The following EXOC6 variants were observed in gnomAD, a reference collection of about 807,000 sequenced individuals.
EXOC6 encodes exocyst complex component 6, also known as SEC15-like 1.
A neutral mutation model predicts 112.5 loss-of-function variants in EXOC6; 60 were observed. The ratio of observed to expected loss-of-function variants is 0.53; its 90% CI spans 0.43 to 0.66. The LOEUF is 0.66. EXOC6 is among the 30% of genes least tolerant of loss of function. The pLI, the probability that EXOC6 is intolerant of heterozygous loss-of-function variation, is 0.00. For missense variants in EXOC6, 855 were observed against 957.1 expected (o/e 0.89, Z 1.41); for synonymous variants, 295 against 308.0 (o/e 0.96, Z 0.44).
chr10:92,830,196 C>T (rs1846450694), upstream of EXOC6, among the ~76,000 whole-genome samples: 1 of 152,132 alleles, frequency 6.6e-6, no homozygotes, highest in Non-Finnish European at 1.5e-5. Flanking sequence ...TCCAAGAACC[C>T]TCTCTTGGGA....
At position 92,893,346 on chromosome 10, in the gene EXOC6, C is replaced by G. The variant is rs371363561; in HGVS notation, c.102-3C>G. 1.9e-6 allele frequency: 3 copies of G among 1,596,482 alleles called. No homozygotes were observed. The highest frequency in any genetic ancestry group is 1.1e-5 in the South Asian group (1 of 88,280). On this transcript the variant is annotated splice_region_variant and splice_polypyrimidine_tract_variant and intron_variant, in intron 1 of 21. Coordinates refer to ENST00000260762, the MANE Select transcript of EXOC6 (RefSeq NM_019053.6). ...TAATTTTAGCTTTCTTATATACATT[C>G]AGGTCTGTGTATGATGACCAACCAA... is the stretch of plus-strand genomic sequence containing the variant.
At chr10:92,854,328 T>G (rs1360999732) in intron 1 of EXOC6, among the ~76,000 whole-genome samples, 1 of 151,892 alleles carries the variant, frequency 6.6e-6, no homozygotes, top group Non-Finnish European at 1.5e-5. Flanking sequence ...TCCCAGCTAC[T>G]TGGGAGGCTG....
At position 92,999,133 on chromosome 10, in the gene EXOC6, A is replaced by G. The variant is rs1048049282; in HGVS notation, c.2095+1518A>G. 5.7e-5 allele frequency: 20 copies of G among 350,992 alleles called. No individual in the cohort carries two copies. In the Admixed American group the frequency reaches 6.8e-4, roughly 12 times the overall value. The allele number at this position is 350,992 out of a possible 1,614,324, so 21.7% of individuals were successfully genotyped here. On this transcript the variant is annotated intron_variant, in intron 19 of 21. Coordinates refer to ENST00000260762, the MANE Select transcript of EXOC6 (RefSeq NM_019053.6). ...GTGATCTGCCCACCTCAGCCTCCCA[A>G]AGTGCTGGGATTATAGGCATGAGCT...
intron 5 of EXOC6, among the ~76,000 whole-genome samples, chr10:92,905,920 A>G (rs1441811619): frequency 6.6e-6 from 1 of 152,098 alleles, no homozygotes; most frequent in African/African-American, 2.4e-5. Context: ...GAACCTGTCA[A>G]TTATTGTTAG....
intron 1 of EXOC6, among the ~76,000 whole-genome samples, chr10:92,859,188 A>C (rs1022154920): frequency 3.3e-5 from 5 of 152,098 alleles, no homozygotes; most frequent in African/African-American, 1.2e-4. Context: ...CTCGATGCTG[A>C]TTCCTTCCAC....
chr10:92,959,146 A>G (rs1292018988), intron 17 of EXOC6, among the ~76,000 whole-genome samples: 2 of 152,172 alleles, frequency 1.3e-5, no homozygotes, highest in Non-Finnish European at 2.9e-5. Flanking sequence ...TATTGGACAA[A>G]CAACAGACAA....
At chr10:92,844,979 C>T (rs1451718337), upstream of EXOC6, among the ~76,000 whole-genome samples, 1 of 152,186 alleles carries the variant, frequency 6.6e-6, no homozygotes, top group Non-Finnish European at 1.5e-5. Flanking sequence ...GGTCATTAGT[C>T]TGTAGATAAA....
chr10:92,917,037 C>T (rs991917358), intron 7 of EXOC6, among the ~76,000 whole-genome samples: 6 of 151,010 alleles, frequency 4.0e-5, no homozygotes, highest in Non-Finnish European at 8.8e-5. Context: ...TATCTTGGCT[C>T]ACTGCAACCT....
intron 1 of EXOC6, among the ~76,000 whole-genome samples, chr10:92,886,455 T>C (rs1849222946): frequency 6.6e-6 from 1 of 152,214 alleles, no homozygotes; most frequent in Non-Finnish European, 1.5e-5. Context: ...ACATCAGGGA[T>C]TCCCTATTGA....
chr10:93,001,988 C>G (rs1843778858), intron 19 of EXOC6, among the ~76,000 whole-genome samples: 1 of 152,176 alleles, frequency 6.6e-6, no homozygotes, highest in African/African-American at 2.4e-5. Flanking sequence ...GTGTACAGAA[C>G]AAGTATAATT....
intron 7 of EXOC6, among the ~76,000 whole-genome samples, chr10:92,918,479 A>ACTGC (rs1851242872): frequency 6.6e-6 from 1 of 151,810 alleles, no homozygotes. Flanking sequence ...AGTTGGCATA[A>ACTGC]TCATGGCTTA....
At chr10:92,905,056 C>T (rs867659730) in intron 5 of EXOC6, among the ~76,000 whole-genome samples, 3 of 152,150 alleles carry the variant, frequency 2.0e-5, no homozygotes, top group African/African-American at 7.2e-5. Flanking sequence ...ATTTAAAGAA[C>T]GACTCTTTTT....
chr10:93,024,248 T>TTAGC (rs1265360450), intron 20 of EXOC6, among the ~76,000 whole-genome samples: 3 of 152,208 alleles, frequency 2.0e-5, no homozygotes, highest in African/African-American at 7.2e-5. Flanking sequence ...TTCAAGCTAA[T>TTAGC]GAAACAATCC....
chr10:93,054,227 C>T (rs1846441989), intron 20 of EXOC6, among the ~76,000 whole-genome samples: 1 of 152,148 alleles, frequency 6.6e-6, no homozygotes, highest in Non-Finnish European at 1.5e-5. Flanking sequence ...GAGATTTTGT[C>T]TTGTTCCAAT....
At chr10:92,999,135 G>A in intron 19 of EXOC6, 1 of 355,194 alleles carries the variant, frequency 2.8e-6, no homozygotes, top group Non-Finnish European at 5.3e-6. Flanking sequence ...GCCTCCCAAA[G>A]TGCTGGGATT....
At chr10:92,954,828 A>G (rs1457747030) in intron 16 of EXOC6, 87 bp downstream of exon 16, 1 of 632,724 alleles carries the variant, frequency 1.6e-6, no homozygotes, top group African/African-American at 1.9e-5. Flanking sequence ...CTGTAAAACT[A>G]GCTTCCTGTT....
chr10:92,879,610 A>G (rs1257717318), intron 1 of EXOC6, among the ~76,000 whole-genome samples: 3 of 152,200 alleles, frequency 2.0e-5, no homozygotes, highest in Non-Finnish European at 4.4e-5. Context: ...ATGCTGATGA[A>G]GAAGACAAGT....
chr10:92,990,254 G>A (rs1404156602), intron 18 of EXOC6, among the ~76,000 whole-genome samples: 42 of 151,884 alleles, frequency 2.8e-4, no homozygotes, highest in Non-Finnish European at 2.9e-5. Context: ...AATCCTTTTA[G>A]ACATTTACTA....
chr10:92,848,491 C>T (rs528229335), upstream of EXOC6: 6 of 1,213,232 alleles, frequency 4.9e-6, no homozygotes, highest in East Asian at 7.7e-5. Flanking sequence ...CCCCGTCGTT[C>T]CCGCGGCGCC....
Sources: gnomAD v4.1 joint callset for allele counts (sites outside exome capture counted in the v4.1 genomes callset) on GRCh38, gnomAD v4.1.1 for gene constraint, MANE v1.5 for transcripts, NCBI Gene and HGNC (gene_info 2026-07-23, HGNC 2026-07-21) for gene names.